Variants in PPFIA2 observed in about 807,000 individuals in gnomAD.
PPFIA2 encodes liprin-alpha-2.
In PPFIA2, 46 loss-of-function variants were observed where a neutral mutation model predicts 175.5. That is an observed-to-expected ratio of 0.26 (90% CI 0.21 to 0.34). The LOEUF (loss-of-function observed/expected upper bound fraction) is 0.34. Ranked by LOEUF, PPFIA2 falls within the 10% of genes least tolerant of loss-of-function variation. The pLI is 1.00. For synonymous variants in PPFIA2, 568 were observed against 511.4 expected (o/e 1.11, Z -1.49); for missense variants, 1,179 against 1,506.1 (o/e 0.78, Z 3.60).
intron 23 of PPFIA2, among the ~76,000 whole-genome samples, chr12:81,299,078 A>G (rs974605737): frequency 2.0e-5 from 3 of 152,204 alleles, no homozygotes; most frequent in African/African-American, 4.8e-5. Flanking sequence ...GGTGTGATTT[A>G]GAGACACTTC....
At chr12:81,294,601 T>G (rs2046031604) in intron 24 of PPFIA2, 5 of 529,408 alleles carry the variant, frequency 9.4e-6, no homozygotes, top group Non-Finnish European at 1.3e-5. Context: ...AATCTAAACT[T>G]CAGATGCTAG....
chr12:81,489,065 A>G (rs1378760946), intron 4 of PPFIA2, among the ~76,000 whole-genome samples: 4 of 151,874 alleles, frequency 2.6e-5, no homozygotes, highest in African/African-American at 9.7e-5. Context: ...CATTTACCAT[A>G]TTCTCAATAT....
At chr12:81,387,747 T>G (rs1232829667) in intron 8 of PPFIA2, among the ~76,000 whole-genome samples, 1 of 152,118 alleles carries the variant, frequency 6.6e-6, no homozygotes, top group Non-Finnish European at 1.5e-5. Flanking sequence ...ATCTCAAATT[T>G]GGAAATAACT....
At position 81,747,815 on chromosome 12, in the gene PPFIA2, T is replaced by C; in HGVS notation, c.249+6158A>G. 1.4e-5 allele frequency among the ~76,000 whole-genome samples: 2 copies of C among 144,146 alleles called. 1 individual carries two copies. The highest frequency in any genetic ancestry group is 3.1e-5 in the Non-Finnish European group (2 of 64,224). 94.6% of individuals were successfully genotyped at this position (144,146 alleles called of 152,430 possible). A position where few individuals can be genotyped will look rare whatever the true frequency, so the allele number is the denominator to read the frequency against. Reference sequence around the variant, plus strand: ...TCTCTATAAGATTTACTCAAATAGTTTGAATTTTAGAATGTCAAAAGATAT... The same window carrying C: ...TCTCTATAAGATTTACTCAAATAGTCTGAATTTTAGAATGTCAAAAGATAT... On this transcript the variant is annotated intron_variant, in intron 3 of 32. Coordinates refer to ENST00000549396, the MANE Select transcript of PPFIA2 (RefSeq NM_003625.5).
intron 4 of PPFIA2, among the ~76,000 whole-genome samples, chr12:81,582,095 A>G (rs1168664185): frequency 6.6e-6 from 1 of 151,860 alleles, no homozygotes; most frequent in Admixed American, 6.6e-5. Flanking sequence ...AGATTTGACT[A>G]AGATTCCATT....
At chr12:81,287,894 T>C (rs1228695398) in intron 24 of PPFIA2, among the ~76,000 whole-genome samples, 1 of 151,830 alleles carries the variant, frequency 6.6e-6, no homozygotes, top group East Asian at 1.9e-4. Context: ...ACAAATATTG[T>C]ATAACTTGGT....
intron 5 of PPFIA2, among the ~76,000 whole-genome samples, chr12:81,455,195 A>T (rs1157921399): frequency 6.6e-6 from 1 of 152,220 alleles, no homozygotes; most frequent in Non-Finnish European, 1.5e-5. Flanking sequence ...GGTTTTATTT[A>T]GCAACATTTG....
chr12:81,749,894 T>G (rs1178096881), intron 3 of PPFIA2, among the ~76,000 whole-genome samples: 1 of 143,980 alleles, frequency 6.9e-6, no homozygotes, highest in Non-Finnish European at 1.6e-5. Flanking sequence ...TACATCAAAA[T>G]GCACATATAT....
Position 81,283,036 on chromosome 12 carries a change from C to A in PPFIA2, c.2992G>T (p.Glu998Ter). ...ENLAAPAKTK[E>*]SEEGSWAQCP... ...TGGGCCCAGCTTCCTTCCTCAGATT[C>A]TTTCTGTGTTAGCAGCAGGAAATGA... Residue 998 changes from glutamate (E) to a stop codon, truncating the protein, a stop_gained, in exon 26 of 33, where the codon GAA becomes TAA. Coordinates refer to ENST00000549396, the MANE Select transcript of PPFIA2 (RefSeq NM_003625.5). LOFTEE classifies it high-confidence loss of function. The A allele has an allele frequency of 6.2e-7, 1 of 1,611,868 alleles. No homozygotes were observed.
intron 18 of PPFIA2, 180 bp from the exon 19 acceptor site, chr12:81,344,873 A>G (rs1473858559): frequency 2.0e-6 from 1 of 507,242 alleles, no homozygotes; most frequent in Non-Finnish European, 3.5e-6. Context: ...AGTTAAATTT[A>G]GAGAGGGAAC....
rs1217668663 is a variant in PPFIA2, at chr12:81,424,312, G to A, written c.645+15660C>T. On this transcript the variant is annotated intron_variant, in intron 7 of 32. Coordinates refer to ENST00000549396, the MANE Select transcript of PPFIA2 (RefSeq NM_003625.5). ...TGTTTCCATGTATTTAGGACATTTT[G>A]TATTTCCTAAAACAATGGGATTTGC... Among the ~76,000 whole-genome samples the A allele has an allele frequency of 3.3e-5, 5 of 152,042 alleles. No homozygotes were observed. In the East Asian group the frequency reaches 9.7e-4, roughly 29 times the overall value.
chr12:81,274,573 T>C (rs2136583064), intron 28 of PPFIA2, among the ~76,000 whole-genome samples: 1 of 150,198 alleles, frequency 6.7e-6, no homozygotes, highest in East Asian at 1.9e-4. Context: ...CCAAGCAATG[T>C]ATGCACTGAC....
chr12:81,358,088 C>T lies in PPFIA2; in HGVS notation c.1767G>A (p.Glu589=). ...TTGAAGTTAAAAGATTAACCTTTGG[C>T]TCATCTCTTCGCACACCCATGCGGC... ...RRGRMGVRRD[E]PKVKSLGDHE... The change falls in exon 16 of 33, where the codon GAG becomes GAA. Residue 589 remains glutamate, a synonymous_variant. Coordinates refer to ENST00000549396, the MANE Select transcript of PPFIA2 (RefSeq NM_003625.5). The T allele has an allele frequency of 6.3e-7, 1 of 1,596,804 alleles. No individual in the cohort carries two copies. Among genetic ancestry groups the T allele is most frequent in the Non-Finnish European group, 8.5e-7 (1 of 1,172,948 alleles).
chr12:81,668,471 T>C (rs181086167), intron 4 of PPFIA2, among the ~76,000 whole-genome samples: 1 of 152,180 alleles, frequency 6.6e-6, no homozygotes, highest in Non-Finnish European at 1.5e-5. Flanking sequence ...ATTTATTTCT[T>C]CTCTTACCTT....
intron 3 of PPFIA2, among the ~76,000 whole-genome samples, chr12:81,742,385 T>C (rs1331942512): frequency 6.6e-6 from 1 of 152,120 alleles, no homozygotes; most frequent in Non-Finnish European, 1.5e-5. Context: ...CTGACTAGGA[T>C]GGAGTTGCAG....
chr12:81,492,067 G>A (rs942809455), intron 4 of PPFIA2, among the ~76,000 whole-genome samples: 32 of 151,830 alleles, frequency 2.1e-4, no homozygotes, highest in African/African-American at 7.7e-4. Context: ...TTACAAGATC[G>A]AGGCAGAAAG....
intron 7 of PPFIA2, among the ~76,000 whole-genome samples, chr12:81,406,343 G>A (rs565362434): frequency 5.3e-5 from 8 of 151,848 alleles, no homozygotes; most frequent in South Asian, 2.1e-4. Flanking sequence ...CAGCAATTTC[G>A]CCTACACTGA....
chr12:81,380,897 T>C (rs1037425360), intron 9 of PPFIA2, among the ~76,000 whole-genome samples: 1 of 151,844 alleles, frequency 6.6e-6, no homozygotes, highest in African/African-American at 2.4e-5. Flanking sequence ...AAATCTTTCA[T>C]AAACCATGGG....
Position 81,374,663 on chromosome 12 carries a change from G to A in PPFIA2, c.1237C>T (p.Leu413=), listed in dbSNP as rs767183287. Residue 413 remains leucine, a synonymous_variant, in exon 11 of 33, where the codon CTG becomes TTG. Coordinates refer to ENST00000549396, the MANE Select transcript of PPFIA2 (RefSeq NM_003625.5). ...AETLPEVEAE[L]AQRIAALTKA... is the part of the protein sequence containing the mutation. ...GTTAGGGCTGCAATTCTCTGAGCCA[G>A]TTCAGCCTCTACTTCAGGCAAGGTT... The A allele has an allele frequency of 1.2e-6, 2 of 1,613,338 alleles. No individual in the cohort carries two copies. The highest frequency in any genetic ancestry group is 1.7e-6 in the Non-Finnish European group (2 of 1,179,534).
Sources: allele counts gnomAD v4.1 joint callset (sites outside exome capture counted in the v4.1 genomes callset), GRCh38; gene constraint gnomAD v4.1.1; transcripts MANE v1.5; gene names NCBI Gene and HGNC (gene_info 2026-07-23, HGNC 2026-07-21).